AP3B1: variants seen among roughly 807,000 people sequenced by gnomAD.
AP3B1 encodes the protein AP-3 complex subunit beta-1.
Under a neutral mutation model 132.5 loss-of-function variants are expected in AP3B1, and 61 were observed. That is an observed-to-expected ratio of 0.46 (90% CI 0.37 to 0.57). AP3B1 has a LOEUF of 0.57. Among genes scored for constraint, AP3B1 ranks in the 20% least tolerant of loss-of-function variants. The probability of loss-of-function intolerance (pLI) is 0.00; values close to 1 mark genes in which losing one functional copy is unlikely to be tolerated. For synonymous variants in AP3B1, 388 were observed against 438.3 expected, an observed-to-expected ratio of 0.89 and a Z score of 1.43; for missense variants, 1,120 against 1,289.4, an observed-to-expected ratio of 0.87 and a Z score of 2.01.
At chr5:78,163,684 C>T (rs1376092574) in intron 12 of AP3B1, among the ~76,000 whole-genome samples, 1 of 148,362 alleles carries the variant, frequency 6.7e-6, no homozygotes, top group Non-Finnish European at 1.5e-5. Context: ...TACACACACA[C>T]AAATTTAAAA....
chr5:78,081,409 G>A (rs1385104122), intron 22 of AP3B1, among the ~76,000 whole-genome samples: 2 of 144,296 alleles, frequency 1.4e-5, no homozygotes, highest in African/African-American at 2.6e-5. Flanking sequence ...CCGGGTTCAC[G>A]CCATTCTCCT....
At chr5:78,168,013 GA>G (rs149936824) in intron 11 of AP3B1, among the ~76,000 whole-genome samples, 4,447 of 110,740 alleles carry the variant, frequency 0.04, 99 homozygotes, top group East Asian at 0.19. Context: ...AAAACCTACT[GA>G]AAAAAAAAAA....
chr5:78,196,159 CAA>C (rs975079361), intron 7 of AP3B1, among the ~76,000 whole-genome samples: 17 of 152,092 alleles, frequency 1.1e-4, no homozygotes, highest in Non-Finnish European at 4.4e-5. Flanking sequence ...CCAAAATATA[CAA>C]AGAGTTCCTA....
chr5:78,051,035 T>A (rs529941565), intron 22 of AP3B1, among the ~76,000 whole-genome samples: 2 of 152,244 alleles, frequency 1.3e-5, no homozygotes, highest in East Asian at 3.9e-4. Flanking sequence ...AAATAAGCAA[T>A]CAATTCTGCA....
Position 78,127,738 on chromosome 5 carries a change from T to C in AP3B1, c.1968+292A>G, listed in dbSNP as rs532738440. 1.3e-3 allele frequency among the ~76,000 whole-genome samples: 191 copies of C among 152,266 alleles called. 2 individuals are homozygous for C. The highest frequency in any genetic ancestry group is 5.8e-4 in the African/African-American group (24 of 41,572). On this transcript the variant is annotated intron_variant, in intron 17 of 26. Transcript: ENST00000255194. ...CTTCATCCAATGAAACTAAATACCT[T>C]AGAAATTGAATCTACGCGGCTACAA...
intron 2 of AP3B1, among the ~76,000 whole-genome samples, chr5:78,266,972 T>C (rs1419532110): frequency 6.6e-6 from 1 of 152,164 alleles, no homozygotes; most frequent in Non-Finnish European, 1.5e-5. Context: ...TCTCTGGCAA[T>C]AGAATCCTCA....
chr5:78,228,085 A>G lies in AP3B1; in HGVS notation c.375+59T>C, dbSNP rs770210767. ...GATTATCGCTCCACTTCTTTAACTG[A>G]CACACTTTCAACTCTGCAGAAACCT... is the stretch of plus-strand genomic sequence containing the variant. On this transcript the variant is annotated intron_variant, in intron 4 of 26. Coordinates refer to ENST00000255194, the MANE Select transcript of AP3B1 (RefSeq NM_003664.5). 304 of 1,190,162 alleles carry G rather than the reference A, an allele frequency of 2.6e-4. 1 individual carries two copies. The highest frequency in any genetic ancestry group is 3.5e-4 in the Non-Finnish European group (292 of 834,106). The allele number at this position is 1,190,162 out of a possible 1,614,324, so 73.7% of individuals were successfully genotyped here.
intron 7 of AP3B1, among the ~76,000 whole-genome samples, chr5:78,195,415 A>G (rs562782837): frequency 1.4e-4 from 21 of 152,356 alleles, no homozygotes; most frequent in South Asian, 1.0e-3. Flanking sequence ...GTGGAACAGA[A>G]GAGAAAGCCT....
intron 22 of AP3B1, among the ~76,000 whole-genome samples, chr5:78,040,214 T>C (rs1286155963): frequency 6.6e-6 from 1 of 152,138 alleles, no homozygotes; most frequent in Non-Finnish European, 1.5e-5. Context: ...AAATTTTAAT[T>C]CATATGGAAT....
At chr5:78,016,500 C>T (rs1746859749) in intron 25 of AP3B1, among the ~76,000 whole-genome samples, 1 of 151,996 alleles carries the variant, frequency 6.6e-6, no homozygotes, top group South Asian at 2.1e-4. Context: ...ACCAATAACT[C>T]TTTGAGATAT....
intron 22 of AP3B1, among the ~76,000 whole-genome samples, chr5:78,060,385 C>T (rs1748991359): frequency 6.6e-6 from 1 of 152,196 alleles, no homozygotes; most frequent in African/African-American, 2.4e-5. Flanking sequence ...TTAATTCAGT[C>T]TGTATCGGTC....
intron 1 of AP3B1, among the ~76,000 whole-genome samples, chr5:78,278,628 G>GAAAAAAAA (rs1561217286): frequency 1.4e-4 from 6 of 42,654 alleles, no homozygotes; most frequent in African/African-American, 4.5e-4. Flanking sequence ...AAAAAAAAGG[G>GAAAAAAAA]GGGGGGGGAC....
intron 1 of AP3B1, 134 bp downstream of exon 1, chr5:78,294,318 G>A: frequency 1.5e-6 from 2 of 1,317,048 alleles, no homozygotes; most frequent in Non-Finnish European, 2.1e-6. Flanking sequence ...CCCACCCGCG[G>A]GACACGTTAC....
At chr5:78,219,652 T>C (rs1229505640) in intron 6 of AP3B1, among the ~76,000 whole-genome samples, 1 of 152,096 alleles carries the variant, frequency 6.6e-6, no homozygotes, top group Non-Finnish European at 1.5e-5. Context: ...ACTATTCATA[T>C]GACACATACT....
chr5:78,052,461 T>C (rs1265302608), intron 22 of AP3B1, among the ~76,000 whole-genome samples: 1 of 152,138 alleles, frequency 6.6e-6, no homozygotes, highest in Non-Finnish European at 1.5e-5. Context: ...TCAAAAGTAA[T>C]ATGATTGTAA....
chr5:78,073,868 G>C (rs1266575559), intron 22 of AP3B1, among the ~76,000 whole-genome samples: 1 of 152,134 alleles, frequency 6.6e-6, no homozygotes, highest in Non-Finnish European at 1.5e-5. Context: ...GAAGTCGAAA[G>C]GCCTAAGGCT....
At chr5:78,072,433 C>T (rs1419548788) in intron 22 of AP3B1, among the ~76,000 whole-genome samples, 1 of 152,140 alleles carries the variant, frequency 6.6e-6, no homozygotes, top group African/African-American at 2.4e-5. Flanking sequence ...AAGATGAACA[C>T]ATTTGGCTGG....
chr5:78,056,902 G>A (rs1013498818), intron 22 of AP3B1, among the ~76,000 whole-genome samples: 2 of 152,112 alleles, frequency 1.3e-5, no homozygotes, highest in Non-Finnish European at 2.9e-5. Flanking sequence ...ACTACAAGCC[G>A]AAAATGGACA....
intron 7 of AP3B1, among the ~76,000 whole-genome samples, chr5:78,181,972 A>T (rs1210433283): frequency 6.6e-6 from 1 of 152,194 alleles, no homozygotes; most frequent in African/African-American, 2.4e-5. Context: ...GTTAGATTTT[A>T]ACAAGGCCTA....
Sources: allele counts gnomAD v4.1 joint callset (sites outside exome capture counted in the v4.1 genomes callset), GRCh38; gene constraint gnomAD v4.1.1; transcripts MANE v1.5; gene names NCBI Gene and HGNC (gene_info 2026-07-23, HGNC 2026-07-21).